PDCD6IP: variants seen among roughly 807,000 people sequenced by gnomAD.
The protein encoded by PDCD6IP is programmed cell death 6 interacting protein, also known as programmed cell death 6-interacting protein.
In PDCD6IP, 43 loss-of-function variants were observed where a neutral mutation model predicts 103.7. The observed-to-expected ratio is 0.41, with a 90% CI of 0.32 to 0.53. PDCD6IP has a LOEUF of 0.53. Ranked by LOEUF, PDCD6IP falls within the 20% of genes least tolerant of loss-of-function variation. The probability of loss-of-function intolerance (pLI) is 0.16; values close to 1 mark genes in which losing one functional copy is unlikely to be tolerated. For missense variants in PDCD6IP, 871 were observed against 1,036.7 expected (o/e 0.84, Z 2.20); for synonymous variants, 354 against 378.7 (o/e 0.93, Z 0.76).
At chr3:33,845,151 T>A (rs1697564889) in intron 11 of PDCD6IP, among the ~76,000 whole-genome samples, 3 of 152,190 alleles carry the variant, frequency 2.0e-5, no homozygotes, top group African/African-American at 4.8e-5. Context: ...AGGAAAAGAT[T>A]AATATTAATT....
rs535630728 is a variant in PDCD6IP at position 33,859,242 on chromosome 3, T to G, written c.2120+3982T>G. Among the ~76,000 whole-genome samples, 5 of 152,172 alleles carry G rather than the reference T, an allele frequency of 3.3e-5. No individual in the cohort carries two copies. The South Asian group carries it at 6.2e-4, about 19-fold the overall frequency. On this transcript the variant is annotated intron_variant, in intron 15 of 17. Coordinates refer to ENST00000307296, the MANE Select transcript of PDCD6IP (RefSeq NM_013374.6). ...GAGTAAGTTCTGAGTGGACCAAACT[T>G]GAAATTTGTAAATGAAATATAAGGT...
intron 7 of PDCD6IP, among the ~76,000 whole-genome samples, chr3:33,830,592 A>G (rs1338133936): frequency 2.6e-5 from 4 of 152,174 alleles, no homozygotes; most frequent in African/African-American, 7.2e-5. Flanking sequence ...AAGTTAAGAC[A>G]GAAGTTGGGT....
intron 1 of PDCD6IP, among the ~76,000 whole-genome samples, chr3:33,801,552 G>T (rs1441464146): frequency 6.6e-6 from 1 of 152,150 alleles, no homozygotes; most frequent in African/African-American, 2.4e-5. Context: ...CATAATTCCA[G>T]CTGAGGCAGA....
intron 1 of PDCD6IP, chr3:33,811,154 G>A (rs987725747): frequency 1.3e-5 from 5 of 395,206 alleles, no homozygotes; most frequent in Non-Finnish European, 2.6e-5. Context: ...CAGAGTGCTA[G>A]GATTACAGGC....
intron 3 of PDCD6IP, among the ~76,000 whole-genome samples, chr3:33,815,510 G>C (rs1006414964): frequency 6.6e-6 from 1 of 152,130 alleles, no homozygotes; most frequent in African/African-American, 2.4e-5. Flanking sequence ...TAATGAAGCT[G>C]GGATATGAAT....
chr3:33,816,023 A>G (rs1243383980), intron 3 of PDCD6IP, among the ~76,000 whole-genome samples: 1 of 152,222 alleles, frequency 6.6e-6, no homozygotes, highest in Non-Finnish European at 1.5e-5. Flanking sequence ...GAACCAGGGT[A>G]AAATAGAGAT....
chr3:33,839,480 T>TA (rs1697423844), intron 9 of PDCD6IP, among the ~76,000 whole-genome samples: 1 of 76,928 alleles, frequency 1.3e-5, no homozygotes, highest in African/African-American at 4.9e-5. Context: ...TATTCCATTT[T>TA]ATGGTTATAC....
chr3:33,800,761 A>C (rs6797057), intron 1 of PDCD6IP, among the ~76,000 whole-genome samples: 1 of 152,048 alleles, frequency 6.6e-6, no homozygotes, highest in Non-Finnish European at 1.5e-5. Flanking sequence ...GTTGTGGTAT[A>C]ATGAGCCCTG....
At chr3:33,831,594 T>C (rs1423987392) in intron 7 of PDCD6IP, among the ~76,000 whole-genome samples, 1 of 152,188 alleles carries the variant, frequency 6.6e-6, no homozygotes, top group East Asian at 1.9e-4. Flanking sequence ...TTGAAATTTT[T>C]CAAAATTGGG....
chr3:33,811,331 TG>T, intron 1 of PDCD6IP: 1 of 160,104 alleles, frequency 6.2e-6, no homozygotes, highest in Non-Finnish European at 1.4e-5. Context: ...TGCCCACTCC[TG>T]CTGAAAATTT....
intron 12 of PDCD6IP, among the ~76,000 whole-genome samples, chr3:33,848,606 T>C (rs893045911): frequency 1.3e-5 from 2 of 152,196 alleles, no homozygotes; most frequent in African/African-American, 2.4e-5. Context: ...GGTTTCACCA[T>C]GTTGGCCTGG....
chr3:33,853,856 A>G, intron 13 of PDCD6IP, 23 bp from the exon 14 acceptor site: 2 of 1,398,038 alleles, frequency 1.4e-6, no homozygotes, highest in South Asian at 1.6e-5. Flanking sequence ...AAATGTAAAT[A>G]TGTAAATCTT....
intron 6 of PDCD6IP, chr3:33,826,909 G>A (rs993802488): frequency 2.8e-6 from 3 of 1,063,490 alleles, no homozygotes; most frequent in Non-Finnish European, 3.4e-6. Flanking sequence ...TTTGGTACAA[G>A]CATGTATACT....
At chr3:33,806,263 G>A (rs1297656040) in intron 1 of PDCD6IP, among the ~76,000 whole-genome samples, 1 of 152,116 alleles carries the variant, frequency 6.6e-6, no homozygotes, top group Admixed American at 6.5e-5. Context: ...TGTCATACAT[G>A]TACTCCTGTG....
Position 33,798,755 on chromosome 3 carries a change from GA to G in PDCD6IP, c.32del (p.Lys11ArgfsTer12). MATFISVQL[K>X]KTSEVDLAKP... is the part of the protein sequence containing the mutation. ...TGGCGACATTCATCTCGGTGCAGCTGAAAAAGACCTCAGAGGTGGACCTGGC... is the reference window on the plus strand; with the variant it reads ...TGGCGACATTCATCTCGGTGCAGCTGAAAAGACCTCAGAGGTGGACCTGGC... On this transcript the variant is annotated frameshift_variant, in exon 1 of 18. Coordinates refer to ENST00000307296, the MANE Select transcript of PDCD6IP (RefSeq NM_013374.6). LOFTEE classifies it high-confidence loss of function. The G allele has an allele frequency of 1.3e-6, 2 of 1,572,560 alleles. No homozygotes were observed. Among genetic ancestry groups the G allele is most frequent in the Non-Finnish European group, 1.7e-6 (2 of 1,159,432 alleles).
rs761343613 is a variant in PDCD6IP at position 33,826,577 on chromosome 3, C to G, written c.714C>G (p.Pro238=). Residue 238 remains proline (P), a synonymous_variant, in exon 6 of 18, where the codon CCC becomes CCG. Transcript: ENST00000307296. ...AGTGTCAATACAAAGATACTCTCCC[C>G]AAGGTCAGTTATTGTTTTTATAAAC... ...FKQCQYKDTL[P]KEVFPVLAAK... 17 of 1,611,196 alleles carry G rather than the reference C, an allele frequency of 1.1e-5. No individual in the cohort carries two copies. The highest frequency in any genetic ancestry group is 5.3e-5 in the African/African-American group (4 of 74,852).
chr3:33,864,475 T>C (rs1698022156), intron 16 of PDCD6IP, among the ~76,000 whole-genome samples: 1 of 152,228 alleles, frequency 6.6e-6, no homozygotes, highest in African/African-American at 2.4e-5. Context: ...TAAAAGTGAA[T>C]GTCATAGATT....
At chr3:33,838,472 G>A (rs938062219) in intron 9 of PDCD6IP, 145 bp downstream of exon 9, 2 of 721,040 alleles carry the variant, frequency 2.8e-6, no homozygotes, top group African/African-American at 1.8e-5. Flanking sequence ...TATTTTTGTT[G>A]GACACTGTAT....
At chr3:33,809,880 C>G (rs1321550156) in intron 1 of PDCD6IP, among the ~76,000 whole-genome samples, 1 of 152,102 alleles carries the variant, frequency 6.6e-6, no homozygotes, top group Non-Finnish European at 1.5e-5. Flanking sequence ...CTTGTGATTT[C>G]TGCATTTTTG....
Sources: allele counts gnomAD v4.1 joint callset (sites outside exome capture counted in the v4.1 genomes callset), GRCh38; gene constraint gnomAD v4.1.1; transcripts MANE v1.5; gene names NCBI Gene and HGNC (gene_info 2026-07-23, HGNC 2026-07-21).